PLS3: variants seen among roughly 807,000 people sequenced by gnomAD.
PLS3 encodes the protein plastin 3.
A neutral mutation model predicts 46.5 loss-of-function variants in PLS3; 11 were observed. That is an observed-to-expected ratio of 0.24 (90% CI 0.15 to 0.39). PLS3 has a LOEUF of 0.39. PLS3 is among the 10% of genes least tolerant of loss of function. The pLI is 1.00. For missense variants in PLS3, 308 were observed against 461.8 expected, an observed-to-expected ratio of 0.67 and a Z score of 3.05; for synonymous variants, 167 against 162.2, an observed-to-expected ratio of 1.03 and a Z score of -0.22.
chrX:115,641,797 C>G (rs782473188), intron 9 of PLS3, among the ~76,000 whole-genome samples: 2 of 110,352 alleles, frequency 1.8e-5, no homozygotes, highest in African/African-American at 6.6e-5. Context: ...ACTCTTTTGT[C>G]TCTTCCCTCT....
chrX:115,576,186 T>C (rs1195094924), intron 1 of PLS3, among the ~76,000 whole-genome samples: 1 of 112,416 alleles, frequency 8.9e-6, no homozygotes, highest in Non-Finnish European at 1.9e-5. Flanking sequence ...GTTTTACGTT[T>C]AGGTATTTTG....
At chrX:115,610,165 C>A in intron 1 of PLS3, 78 bp from the exon 2 acceptor site, 1 of 436,528 alleles carries the variant, frequency 2.3e-6, no homozygotes, top group Non-Finnish European at 3.9e-6. Flanking sequence ...TAAATTATCC[C>A]TAAGATGAGA....
intron 11 of PLS3, among the ~76,000 whole-genome samples, chrX:115,645,342 T>G (rs2074940185): frequency 9.0e-6 from 1 of 110,975 alleles, no homozygotes. Flanking sequence ...GAGCAAATAC[T>G]TTATATTTTG....
intron 1 of PLS3, among the ~76,000 whole-genome samples, chrX:115,570,508 T>G (rs1556630567): frequency 1.0e-5 from 1 of 97,977 alleles, no homozygotes; most frequent in South Asian, 5.0e-4. Flanking sequence ...CCTTCCTTTT[T>G]TTTTTTTTTT....
chrX:115,618,258 C>T (rs2074615520), intron 2 of PLS3, among the ~76,000 whole-genome samples: 1 of 112,221 alleles, frequency 8.9e-6, no homozygotes, highest in Non-Finnish European at 1.9e-5. Context: ...AGAACAAATC[C>T]TGTTACATAC....
At chrX:115,647,509 A>G (rs1448600616) in intron 13 of PLS3, 41 bp from the exon 14 acceptor site, 15 of 1,151,143 alleles carry the variant, frequency 1.3e-5, no homozygotes, top group East Asian at 3.0e-5. Flanking sequence ...ATTTTTCCTC[A>G]TAAAGTAGAT....
chrX:115,622,059 C>T (rs1273484764), intron 2 of PLS3, 187 bp from the exon 3 acceptor site: 9 of 395,334 alleles, frequency 2.3e-5, no homozygotes, highest in South Asian at 5.1e-5. Context: ...TCACAGGATA[C>T]ATGATGTAAA....
chrX:115,640,219 C>A, intron 8 of PLS3, 189 bp from the exon 9 acceptor site: 2 of 736,783 alleles, frequency 2.7e-6, no homozygotes, highest in South Asian at 2.5e-5. Context: ...TCCAGTTCAT[C>A]CATATGCAAG....
chrX:115,573,464 C>T (rs1556630906), intron 1 of PLS3, among the ~76,000 whole-genome samples: 1 of 112,344 alleles, frequency 8.9e-6, no homozygotes, highest in South Asian at 3.7e-4. Context: ...TCCAGCTTTA[C>T]TAAATTGTAG....
intron 1 of PLS3, among the ~76,000 whole-genome samples, chrX:115,565,787 G>A (rs2074168126): frequency 8.9e-6 from 1 of 112,082 alleles, no homozygotes; most frequent in South Asian, 3.7e-4. Context: ...AAATAAAGAG[G>A]TGCCATTTAT....
chrX:115,578,364 C>G (rs1334594519), intron 1 of PLS3, among the ~76,000 whole-genome samples: 2 of 111,816 alleles, frequency 1.8e-5, no homozygotes, highest in Non-Finnish European at 3.8e-5. Flanking sequence ...AGATCAAACA[C>G]TCTAGTGGAG....
intron 6 of PLS3, 128 bp downstream of exon 6, chrX:115,634,209 A>T (rs181433145): frequency 2.1e-6 from 1 of 470,401 alleles, no homozygotes; most frequent in East Asian, 3.5e-5. Context: ...TGGGATTGTT[A>T]TCCAGATTAT....
chrX:115,648,657 G>A (rs187900457), intron 15 of PLS3, among the ~76,000 whole-genome samples: 113 of 111,385 alleles, frequency 1.0e-3, no homozygotes, highest in African/African-American at 3.2e-3. Context: ...CTGCATTACC[G>A]AACAGCTAAG....
At chrX:115,640,191 T>C in intron 8 of PLS3, 1 of 872,354 alleles carries the variant, frequency 1.1e-6, no homozygotes, top group East Asian at 3.4e-5. Flanking sequence ...CTTTAATAAT[T>C]GCGAAGTCAT....
intron 2 of PLS3, chrX:115,610,860 A>G (rs2074541695): frequency 1.8e-6 from 2 of 1,109,681 alleles, no homozygotes; most frequent in Non-Finnish European, 1.2e-6. Flanking sequence ...AAGGCATAGC[A>G]TGCTATTTGA....
chrX:115,589,790 C>G (rs2074333094), intron 1 of PLS3, among the ~76,000 whole-genome samples: 1 of 112,187 alleles, frequency 8.9e-6, no homozygotes, highest in Non-Finnish European at 1.9e-5. Flanking sequence ...ACTCCCATAA[C>G]TTTTCGGGTT....
chrX:115,628,134 G>C (rs1168874244), intron 3 of PLS3, among the ~76,000 whole-genome samples: 1 of 112,151 alleles, frequency 8.9e-6, no homozygotes, highest in Non-Finnish European at 1.9e-5. Flanking sequence ...GGTTAGTATA[G>C]CTTGGGCTGG....
chrX:115,571,186 C>T (rs1161779913), intron 1 of PLS3, among the ~76,000 whole-genome samples: 2 of 110,838 alleles, frequency 1.8e-5, no homozygotes, highest in Non-Finnish European at 3.8e-5. Context: ...AGCCACTGAA[C>T]CCTGCCATTT....
intron 3 of PLS3, among the ~76,000 whole-genome samples, chrX:115,624,900 G>A (rs2074695321): frequency 8.9e-6 from 1 of 111,796 alleles, no homozygotes; most frequent in Admixed American, 9.5e-5. Flanking sequence ...TTCTGAAAAA[G>A]GAAGTGACTT....
Sources: allele counts gnomAD v4.1 joint callset (sites outside exome capture counted in the v4.1 genomes callset), GRCh38; gene constraint gnomAD v4.1.1; transcripts MANE v1.5; gene names NCBI Gene and HGNC (gene_info 2026-07-23, HGNC 2026-07-21).